Variants in CHRM3 observed in about 807,000 individuals in gnomAD.
CHRM3 encodes the protein cholinergic receptor muscarinic 3, also known as muscarinic acetylcholine receptor M3.
In CHRM3, 11 loss-of-function variants were observed where a neutral mutation model predicts 41.8. The observed-to-expected ratio is 0.26, with a 90% CI of 0.17 to 0.44. CHRM3 has a LOEUF of 0.44. Among genes scored for constraint, CHRM3 ranks in the 20% least tolerant of loss-of-function variants. The probability of loss-of-function intolerance (pLI) is 1.00; values close to 1 mark genes in which losing one functional copy is unlikely to be tolerated. For synonymous variants in CHRM3, 297 were observed against 301.4 expected (o/e 0.99, Z 0.15); for missense variants, 571 against 745.4 (o/e 0.77, Z 2.72).
chr1:239,400,981 C>T (rs1349263779), intron 1 of CHRM3, among the ~76,000 whole-genome samples: 1 of 152,106 alleles, frequency 6.6e-6, no homozygotes, highest in African/African-American at 2.4e-5. Flanking sequence ...TACCATGTTG[C>T]CTTTTATATA....
chr1:239,776,640 C>T (rs1474052914), intron 5 of CHRM3, among the ~76,000 whole-genome samples: 2 of 152,162 alleles, frequency 1.3e-5, no homozygotes, highest in Non-Finnish European at 2.9e-5. Context: ...TGCCAAGGTA[C>T]TCACCATATA....
intron 1 of CHRM3, among the ~76,000 whole-genome samples, chr1:239,456,357 C>A (rs773365180): frequency 8.5e-5 from 13 of 152,050 alleles, no homozygotes; most frequent in Non-Finnish European, 1.6e-4. Flanking sequence ...TTTTAGTGTA[C>A]CTTTTCTATG....
intron 5 of CHRM3, among the ~76,000 whole-genome samples, chr1:239,680,985 G>A (rs1417734611): frequency 2.0e-5 from 3 of 152,098 alleles, no homozygotes; most frequent in Admixed American, 1.3e-4. Context: ...GGCGGGAGGT[G>A]AAAGGCACTT....
At chr1:239,738,907 C>G (rs1664612769) in intron 5 of CHRM3, among the ~76,000 whole-genome samples, 1 of 152,138 alleles carries the variant, frequency 6.6e-6, no homozygotes, top group Non-Finnish European at 1.5e-5. Flanking sequence ...GAGGTAGAAG[C>G]CTTGGTCACT....
chr1:239,745,783 C>G (rs774516129), intron 5 of CHRM3, among the ~76,000 whole-genome samples: 1 of 152,078 alleles, frequency 6.6e-6, no homozygotes, highest in African/African-American at 2.4e-5. Context: ...ACATTAGACA[C>G]TTCTCAAAAG....
At chr1:239,707,215 T>G (rs1402841145) in intron 5 of CHRM3, 1 of 152,196 alleles carries the variant, frequency 6.6e-6, no homozygotes, top group East Asian at 1.9e-4. Context: ...TGCATATGCC[T>G]TTCATTATCC....
chr1:239,387,710 G>C lies in CHRM3; in HGVS notation c.-521+483G>C, dbSNP rs1490184200. On this transcript the variant is annotated intron_variant, in intron 1 of 6. Coordinates refer to ENST00000676153, the MANE Select transcript of CHRM3 (RefSeq NM_001375978.1). The surrounding 1 kb of genome is among the most constrained non-coding windows in gnomAD (Gnocchi z 5.1). ...CTCCCATCTCCCCATTTGGTTTCCT[G>C]TCATTTCTAAGAAGGCTAAAGCTGG... Among the ~76,000 whole-genome samples, 1 of 152,184 alleles carries C rather than the reference G, an allele frequency of 6.6e-6. No homozygotes were observed. Among genetic ancestry groups the C allele is most frequent in the East Asian group, 1.9e-4 (1 of 5,182 alleles).
At chr1:239,580,795 A>C (rs1190128498) in intron 3 of CHRM3, among the ~76,000 whole-genome samples, 1 of 149,018 alleles carries the variant, frequency 6.7e-6, no homozygotes, top group African/African-American at 2.4e-5. Flanking sequence ...TACATTATAT[A>C]TAGGTTAAGA....
At chr1:239,587,134 C>T (rs1026428775) in intron 3 of CHRM3, among the ~76,000 whole-genome samples, 1 of 152,134 alleles carries the variant, frequency 6.6e-6, no homozygotes, top group African/African-American at 2.4e-5. Flanking sequence ...GAAATCAGCG[C>T]GTGGTGACCT....
chr1:239,909,118 A>G lies in CHRM3; in HGVS notation c.1667A>G (p.Lys556Arg). The change falls in exon 7 of 7, where the codon AAG becomes AGG. Residue 556 changes from lysine (K) to arginine (R), a missense_variant. Transcript: ENST00000676153. ...LCNKTFRTTFKMLLLCQCDKK... is the reference protein window; with the variant it reads ...LCNKTFRTTFRMLLLCQCDKK... ...AACAAAACATTCAGAACCACTTTCA[A>G]GATGCTGCTGCTGTGCCAGTGTGAC... 4 of 1,614,130 alleles carry G rather than the reference A, an allele frequency of 2.5e-6. No homozygotes were observed. The highest frequency in any genetic ancestry group is 3.4e-6 in the Non-Finnish European group (4 of 1,180,024).
intron 5 of CHRM3, among the ~76,000 whole-genome samples, chr1:239,725,761 C>T (rs1379998269): frequency 6.6e-6 from 1 of 151,902 alleles, no homozygotes; most frequent in Non-Finnish European, 1.5e-5. Flanking sequence ...AATTTGCAAA[C>T]TATTTCAAAA....
At chr1:239,402,944 T>C (rs1660103000) in intron 1 of CHRM3, among the ~76,000 whole-genome samples, 1 of 152,184 alleles carries the variant, frequency 6.6e-6, no homozygotes, top group Non-Finnish European at 1.5e-5. Flanking sequence ...TTTTGGAACT[T>C]TGTGGATTTT....
chr1:239,779,565 C>T (rs571218116), intron 5 of CHRM3, among the ~76,000 whole-genome samples: 1 of 152,290 alleles, frequency 6.6e-6, no homozygotes, highest in East Asian at 1.9e-4. Flanking sequence ...AAAACCGCGT[C>T]TCTACTAAAA....
intron 3 of CHRM3, among the ~76,000 whole-genome samples, chr1:239,551,091 C>A (rs1032310520): frequency 6.6e-6 from 1 of 150,484 alleles, no homozygotes; most frequent in African/African-American, 2.4e-5. Context: ...CAAGGAAGTC[C>A]CCTAACATTA....
At chr1:239,722,230 C>G (rs1663039683) in intron 5 of CHRM3, among the ~76,000 whole-genome samples, 1 of 151,816 alleles carries the variant, frequency 6.6e-6, no homozygotes, top group Non-Finnish European at 1.5e-5. Flanking sequence ...TGACTGAAAC[C>G]AATTTTCACT....
chr1:239,485,192 G>T (rs932514752), intron 1 of CHRM3, among the ~76,000 whole-genome samples: 1 of 152,142 alleles, frequency 6.6e-6, no homozygotes, highest in Non-Finnish European at 1.5e-5. Flanking sequence ...ATGAGGGGAC[G>T]GTGGGGGCTG....
chr1:239,607,154 C>T (rs1666426092), intron 3 of CHRM3, among the ~76,000 whole-genome samples: 1 of 152,084 alleles, frequency 6.6e-6, no homozygotes, highest in South Asian at 2.1e-4. Context: ...TATACAAGTT[C>T]ATCTGTTGTG....
chr1:239,711,602 C>T (rs1275271809), intron 5 of CHRM3, among the ~76,000 whole-genome samples: 1 of 151,800 alleles, frequency 6.6e-6, no homozygotes, highest in East Asian at 1.9e-4. Flanking sequence ...CAATAGATCT[C>T]CTTCCACCAA....
At chr1:239,631,308 T>C (rs1004159053) in intron 3 of CHRM3, among the ~76,000 whole-genome samples, 1 of 152,190 alleles carries the variant, frequency 6.6e-6, no homozygotes, top group Admixed American at 6.5e-5. Flanking sequence ...TTCACTAGGC[T>C]CCTCTCTCAC....
Sources: allele counts gnomAD v4.1 joint callset (sites outside exome capture counted in the v4.1 genomes callset), GRCh38; gene constraint gnomAD v4.1.1; non-coding constraint Gnocchi (gnomAD v3.1); transcripts MANE v1.5; gene names NCBI Gene and HGNC (gene_info 2026-07-23, HGNC 2026-07-21).